The following DNAJC5B variants were observed in gnomAD, a reference collection of about 807,000 sequenced individuals.
DNAJC5B encodes the protein dnaJ homolog subfamily C member 5B.
A neutral mutation model predicts 24.7 loss-of-function variants in DNAJC5B; 23 were observed. The ratio of observed to expected loss-of-function variants is 0.93; its 90% CI spans 0.67 to 1.32. The LOEUF is 1.32. Ranked by LOEUF, DNAJC5B falls within the 40% of genes most tolerant of loss-of-function variation. The pLI is 0.00. For synonymous variants in DNAJC5B, 101 were observed against 90.1 expected (o/e 1.12, Z -0.68); for missense variants, 238 against 240.8 (o/e 0.99, Z 0.08).
chr8:66,051,882 A>T (rs1806855273), intron 3 of DNAJC5B, among the ~76,000 whole-genome samples: 1 of 152,206 alleles, frequency 6.6e-6, no homozygotes, highest in Non-Finnish European at 1.5e-5. Context: ...AGGAAAGGGC[A>T]GCCTGTGTCT....
intron 3 of DNAJC5B, among the ~76,000 whole-genome samples, chr8:66,072,223 A>G (rs183688897): frequency 6.6e-6 from 1 of 152,284 alleles, no homozygotes; most frequent in Non-Finnish European, 1.5e-5. Context: ...CCAAGAATGT[A>G]TAACAGTTAT....
intron 5 of DNAJC5B, among the ~76,000 whole-genome samples, chr8:66,098,387 G>C (rs1808000478): frequency 6.6e-6 from 1 of 151,800 alleles, no homozygotes; most frequent in Non-Finnish European, 1.5e-5. Context: ...ATTTTCAGTA[G>C]AGACAGAGTT....
At position 66,099,260 on chromosome 8, in the gene DNAJC5B, T is replaced by G. The variant is rs542095638; in HGVS notation, c.506-677T>G. On this transcript the variant is annotated intron_variant, in intron 5 of 5. Transcript: ENST00000276570. ...TCAGAACACAGAGGTATTGAAAACT[T>G]GGTCTGCCAACTTGTGTATTCATTG... Among the ~76,000 whole-genome samples the G allele has an allele frequency of 1.1e-4, 17 of 152,050 alleles. No individual in the cohort carries two copies. In the South Asian group the frequency reaches 3.5e-3, roughly 31 times the overall value.
At chr8:66,065,233 G>A (rs1442241132) in intron 3 of DNAJC5B, among the ~76,000 whole-genome samples, 1 of 152,186 alleles carries the variant, frequency 6.6e-6, no homozygotes, top group African/African-American at 2.4e-5. Flanking sequence ...GAATCACAAA[G>A]GTGACTGCAT....
rs1044082612 is a variant in DNAJC5B, at chr8:66,042,070, C to T, written c.-141-1418C>T. On this transcript the variant is annotated intron_variant, in intron 1 of 5. Transcript: ENST00000276570. ...TCTGTTCACTGATTTTACGTTCTTG[C>T]AGCATCTCTCCAAAGTCTCACTTTT... Among the ~76,000 whole-genome samples the T allele has an allele frequency of 3.3e-5, 5 of 152,290 alleles. No homozygotes were observed. The South Asian group carries it at 8.3e-4, about 25-fold the overall frequency.
upstream of DNAJC5B, among the ~76,000 whole-genome samples, chr8:66,021,351 C>T (rs1390488197): frequency 6.6e-6 from 1 of 152,168 alleles, no homozygotes; most frequent in Non-Finnish European, 1.5e-5. Flanking sequence ...AGGGATTCTT[C>T]CCTGAGGGCC....
At position 66,080,376 on chromosome 8, in the gene DNAJC5B, G is replaced by T. The variant is rs1424295183; in HGVS notation, c.334-1G>T. The T allele has an allele frequency of 1.9e-6, 3 of 1,610,922 alleles. No homozygotes were observed. The Admixed American group carries it at 5.0e-5, about 27-fold the overall frequency. On this transcript the variant is annotated splice_acceptor_variant, in intron 4 of 5. Transcript: ENST00000276570. LOFTEE classifies it high-confidence loss of function. Reference sequence around the variant, plus strand: ...ATTTTGCTTTACCTCTGTTTCCCTAGGCCCTGTTTGTCATCGTTGGCCTCT... The same window carrying T: ...ATTTTGCTTTACCTCTGTTTCCCTATGCCCTGTTTGTCATCGTTGGCCTCT...
chr8:66,072,172 C>T (rs1465470314), intron 3 of DNAJC5B, among the ~76,000 whole-genome samples: 1 of 152,036 alleles, frequency 6.6e-6, no homozygotes, highest in Non-Finnish European at 1.5e-5. Context: ...ATGTTCTGCA[C>T]GTGTACCCCA....
chr8:66,096,269 C>A (rs1176332235), intron 5 of DNAJC5B, among the ~76,000 whole-genome samples: 1 of 152,166 alleles, frequency 6.6e-6, no homozygotes, highest in Non-Finnish European at 1.5e-5. Context: ...TTAGGGCCCA[C>A]TCTAGTGACT....
At chr8:66,045,537 A>G (rs1303225828) in intron 2 of DNAJC5B, among the ~76,000 whole-genome samples, 2 of 152,188 alleles carry the variant, frequency 1.3e-5, no homozygotes, top group Non-Finnish European at 2.9e-5. Flanking sequence ...GTGAGTTTTT[A>G]TCTATGAAAC....
intron 2 of DNAJC5B, among the ~76,000 whole-genome samples, chr8:66,045,318 G>A (rs1442431202): frequency 2.0e-5 from 3 of 152,126 alleles, no homozygotes; most frequent in African/African-American, 7.2e-5. Flanking sequence ...GGAAATATTT[G>A]GGAATAGGGC....
chr8:66,070,066 A>G (rs1347698039), intron 3 of DNAJC5B, among the ~76,000 whole-genome samples: 1 of 152,196 alleles, frequency 6.6e-6, no homozygotes. Flanking sequence ...ATGTCAAGAT[A>G]ATAAGAGCTA....
At chr8:66,053,567 T>G (rs1468643069) in intron 3 of DNAJC5B, among the ~76,000 whole-genome samples, 1 of 152,080 alleles carries the variant, frequency 6.6e-6, no homozygotes, top group Non-Finnish European at 1.5e-5. Flanking sequence ...CTTCTAGTCT[T>G]TTTTTTTCTA....
intron 2 of DNAJC5B, among the ~76,000 whole-genome samples, chr8:66,051,119 T>C (rs750835576): frequency 1.3e-5 from 2 of 152,236 alleles, no homozygotes; most frequent in Non-Finnish European, 2.9e-5. Flanking sequence ...CCCCAGCCAC[T>C]GCTTGTCCCA....
chr8:66,017,926 T>C (rs1257408033), upstream of DNAJC5B, among the ~76,000 whole-genome samples: 2 of 152,092 alleles, frequency 1.3e-5, no homozygotes, highest in Non-Finnish European at 2.9e-5. Context: ...AAAAGCAAAA[T>C]AAGAACAAAA....
chr8:66,078,961 T>C (rs1807531872), intron 4 of DNAJC5B, among the ~76,000 whole-genome samples: 2 of 152,194 alleles, frequency 1.3e-5, no homozygotes, highest in African/African-American at 4.8e-5. Flanking sequence ...TCTTGCTCCC[T>C]TAATTAGATA....
At chr8:66,033,298 T>C (rs920974176) in intron 1 of DNAJC5B, among the ~76,000 whole-genome samples, 1 of 152,202 alleles carries the variant, frequency 6.6e-6, no homozygotes, top group African/African-American at 2.4e-5. Context: ...GAAGAGGAAC[T>C]GGGATAGGGA....
intron 1 of DNAJC5B, among the ~76,000 whole-genome samples, chr8:66,038,725 A>G (rs981827549): frequency 1.3e-5 from 2 of 152,176 alleles, no homozygotes; most frequent in African/African-American, 4.8e-5. Context: ...GCTAATGGGA[A>G]CAGGGAATAA....
At chr8:66,074,608 A>G (rs1316911834) in intron 3 of DNAJC5B, among the ~76,000 whole-genome samples, 1 of 152,246 alleles carries the variant, frequency 6.6e-6, no homozygotes. Flanking sequence ...CACTTTAAGT[A>G]TCAATGTAGA....
Sources: gnomAD v4.1 joint callset for allele counts (sites outside exome capture counted in the v4.1 genomes callset) on GRCh38, gnomAD v4.1.1 for gene constraint, MANE v1.5 for transcripts, NCBI Gene and HGNC (gene_info 2026-07-23, HGNC 2026-07-21) for gene names.